ARHGAP10: variants seen among roughly 807,000 people sequenced by gnomAD.
The protein encoded by ARHGAP10 is Rho GTPase activating protein 10, also known as rho GTPase-activating protein 10.
ARHGAP10 carries 87 observed loss-of-function variants against 108.6 expected under a neutral mutation model. The ratio of observed to expected loss-of-function variants is 0.80; its 90% CI spans 0.67 to 0.96. ARHGAP10 has a LOEUF of 0.96. ARHGAP10 is among the 40% of genes least tolerant of loss of function. The probability of loss-of-function intolerance (pLI) is 0.00; values close to 1 mark genes in which losing one functional copy is unlikely to be tolerated. For synonymous variants in ARHGAP10, 347 were observed against 341.1 expected, an observed-to-expected ratio of 1.02 and a Z score of -0.19; for missense variants, 939 against 954.5, an observed-to-expected ratio of 0.98 and a Z score of 0.21.
chr4:147,998,059 T>C (rs1374911667), intron 18 of ARHGAP10, among the ~76,000 whole-genome samples: 2 of 151,796 alleles, frequency 1.3e-5, no homozygotes, highest in South Asian at 4.2e-4. Context: ...TATAGCTGAG[T>C]CAGAAAAAAA....
intron 16 of ARHGAP10, 146 bp downstream of exon 16, chr4:147,955,520 C>G: frequency 1.5e-6 from 1 of 668,324 alleles, no homozygotes; most frequent in African/African-American, 1.8e-5. Context: ...TGCCTCCCCT[C>G]ATCCTTGGGA....
intron 1 of ARHGAP10, among the ~76,000 whole-genome samples, chr4:147,813,852 T>C (rs1732128745): frequency 6.6e-6 from 1 of 152,216 alleles, no homozygotes; most frequent in South Asian, 2.1e-4. Flanking sequence ...GTCCTTTCCT[T>C]TCCCATCGAA....
chr4:147,898,757 C>G (rs1217856015), intron 10 of ARHGAP10, among the ~76,000 whole-genome samples: 1 of 152,050 alleles, frequency 6.6e-6, no homozygotes, highest in Non-Finnish European at 1.5e-5. Context: ...CCCACATCTT[C>G]CTGTCTTCTT....
At chr4:147,948,305 A>T (rs1356560433) in intron 15 of ARHGAP10, among the ~76,000 whole-genome samples, 1 of 152,182 alleles carries the variant, frequency 6.6e-6, no homozygotes, top group Non-Finnish European at 1.5e-5. Context: ...TCAAAAAGTC[A>T]TTTTTAAAAA....
At chr4:147,859,210 G>A (rs1441222927) in intron 5 of ARHGAP10, among the ~76,000 whole-genome samples, 2 of 150,876 alleles carry the variant, frequency 1.3e-5, no homozygotes, top group African/African-American at 2.4e-5. Context: ...TTTATTAAAA[G>A]TTTTTCCTGA....
chr4:147,764,485 T>TAA (rs113805482), intron 1 of ARHGAP10, among the ~76,000 whole-genome samples: 53 of 142,388 alleles, frequency 3.7e-4, no homozygotes, highest in Middle Eastern at 3.7e-3. Flanking sequence ...GACTTTGAGG[T>TAA]AAAAAAAAAA....
intron 15 of ARHGAP10, among the ~76,000 whole-genome samples, chr4:147,952,877 A>G (rs1460803245): frequency 6.6e-6 from 1 of 151,848 alleles, no homozygotes; most frequent in Non-Finnish European, 1.5e-5. Context: ...TGTAAGTTTT[A>G]TAGTTTTAGG....
intron 20 of ARHGAP10, among the ~76,000 whole-genome samples, chr4:148,057,641 T>A (rs1729420138): frequency 6.6e-6 from 1 of 152,234 alleles, no homozygotes; most frequent in Non-Finnish European, 1.5e-5. Flanking sequence ...AGCTTCAGCA[T>A]TAGCTCCGCA....
At chr4:147,742,209 T>G (rs2126680626) in intron 1 of ARHGAP10, among the ~76,000 whole-genome samples, 1 of 152,230 alleles carries the variant, frequency 6.6e-6, no homozygotes, top group African/African-American at 2.4e-5. Context: ...CCTCACCGTT[T>G]ATTAGCTGTG....
At chr4:147,967,281 C>T (rs920142768) in intron 18 of ARHGAP10, among the ~76,000 whole-genome samples, 2 of 152,184 alleles carry the variant, frequency 1.3e-5, no homozygotes, top group African/African-American at 2.4e-5. Flanking sequence ...CCATGAGCAT[C>T]ATTGAGAGTA....
chr4:147,973,114 T>C (rs1739471249), intron 18 of ARHGAP10, among the ~76,000 whole-genome samples: 1 of 152,096 alleles, frequency 6.6e-6, no homozygotes. Flanking sequence ...TGTATGTGAA[T>C]GAGTGTTTCG....
intron 12 of ARHGAP10, among the ~76,000 whole-genome samples, chr4:147,912,377 TA>T (rs1736779950): frequency 6.6e-6 from 1 of 150,998 alleles, no homozygotes; most frequent in South Asian, 2.1e-4. Context: ...CCATCTCTAC[TA>T]AAAATAGAAA....
chr4:147,853,261 G>A (rs951059949), intron 4 of ARHGAP10, among the ~76,000 whole-genome samples: 2 of 152,310 alleles, frequency 1.3e-5, no homozygotes, highest in African/African-American at 2.4e-5. Context: ...GGGAGAACCT[G>A]CAGACTCCAC....
intron 18 of ARHGAP10, among the ~76,000 whole-genome samples, chr4:148,008,735 A>G (rs989971997): frequency 2.5e-4 from 38 of 152,090 alleles, no homozygotes; most frequent in Admixed American, 2.5e-3. Flanking sequence ...GGGTCACCTG[A>G]GACCTTTTCA....
chr4:147,820,372 G>A (rs1197541589), intron 1 of ARHGAP10, among the ~76,000 whole-genome samples: 5 of 151,046 alleles, frequency 3.3e-5, no homozygotes, highest in Non-Finnish European at 5.9e-5. Flanking sequence ...TGCAACCTTC[G>A]CCTCCTGAGT....
At chr4:148,039,856 A>G (rs1273024054) in intron 19 of ARHGAP10, among the ~76,000 whole-genome samples, 1 of 152,038 alleles carries the variant, frequency 6.6e-6, no homozygotes, top group Admixed American at 6.5e-5. Context: ...TTATTTAAAT[A>G]TTTCCTCCTC....
intron 7 of ARHGAP10, among the ~76,000 whole-genome samples, chr4:147,873,719 C>CACACACACACACACACACAT (rs1420323318): frequency 7.3e-5 from 11 of 150,858 alleles, no homozygotes; most frequent in Non-Finnish European, 1.5e-4. Flanking sequence ...CACACACACA[C>CACACACACACACACACACAT]ACACTCTTGG....
intron 7 of ARHGAP10, among the ~76,000 whole-genome samples, chr4:147,871,753 T>C (rs565350762): frequency 6.6e-6 from 1 of 152,334 alleles, no homozygotes; most frequent in South Asian, 2.1e-4. Flanking sequence ...TTTTAGCCAT[T>C]CTATTGATTT....
At position 147,878,243 on chromosome 4, in the gene ARHGAP10, G is replaced by C. The variant is rs111739701; in HGVS notation, c.833-989G>C. On this transcript the variant is annotated intron_variant, in intron 8 of 22. Coordinates refer to ENST00000336498, the MANE Select transcript of ARHGAP10 (RefSeq NM_024605.4). ...CCCGAGTAGCTGGGACTACAGGCGC[G>C]TGCCACCACGCCTGGCTAAATTTTT... Among the ~76,000 whole-genome samples, 9 of 152,068 alleles carry C rather than the reference G, an allele frequency of 5.9e-5. 1 individual carries two copies. In the South Asian group the frequency reaches 1.7e-3, roughly 28 times the overall value.
Sources: allele counts gnomAD v4.1 joint callset (sites outside exome capture counted in the v4.1 genomes callset), GRCh38; gene constraint gnomAD v4.1.1; transcripts MANE v1.5; gene names NCBI Gene and HGNC (gene_info 2026-07-23, HGNC 2026-07-21).